Variants in HDGFL3 observed in about 807,000 individuals in gnomAD.
HDGFL3 encodes HDGF like 3.
HDGFL3 carries 6 observed loss-of-function variants against 27.6 expected under a neutral mutation model. The ratio of observed to expected loss-of-function variants is 0.22; its 90% CI spans 0.12 to 0.43. The LOEUF is 0.43. Among genes scored for constraint, HDGFL3 ranks in the 20% least tolerant of loss-of-function variants. HDGFL3 has a pLI of 1.00. For missense variants in HDGFL3, 207 were observed against 250.1 expected (o/e 0.83, Z 1.16); for synonymous variants, 88 against 88.9 (o/e 0.99, Z 0.05).
downstream of HDGFL3, among the ~76,000 whole-genome samples, chr15:83,124,044 A>T (rs910232924): frequency 7.2e-5 from 11 of 152,218 alleles, no homozygotes; most frequent in African/African-American, 2.7e-4. Flanking sequence ...AAAGTTGTTC[A>T]TCATTACATT....
Position 83,128,977 on chromosome 15 carries a change from T to A in HDGFL3, c.*10293A>T, listed in dbSNP as rs1191614907. The A allele has an allele frequency of 6.6e-6, 1 of 152,146 alleles. No homozygotes were observed. Among genetic ancestry groups the A allele is most frequent in the East Asian group, 1.9e-4 (1 of 5,196 alleles). The allele number at this position is 152,146 out of a possible 1,614,324, so 9.4% of individuals were successfully genotyped here. On this transcript the variant is annotated 3_prime_UTR_variant, in exon 6 of 6. Coordinates refer to ENST00000299633, the MANE Select transcript of HDGFL3 (RefSeq NM_016073.4). ...TCCAGAGTAGCTGGGACTACAGACATACACCACCGCACACAGCTAATTTTT... is the reference window on the plus strand; with the variant it reads ...TCCAGAGTAGCTGGGACTACAGACAAACACCACCGCACACAGCTAATTTTT...
chr15:83,112,882 C>T lies in HDGFL3; in HGVS notation c.*2827G>A, dbSNP rs371581703. 6.5e-5 allele frequency: 105 copies of T among 1,613,716 alleles called. No homozygotes were observed. Among genetic ancestry groups the T allele is most frequent in the Middle Eastern group, 1.6e-4 (1 of 6,084 alleles). On this transcript the variant is annotated 3_prime_UTR_variant, in exon 4 of 4. Coordinates refer to the HDGFL3 transcript ENST00000568294. ...TGTCCTCGTCAAAAGAAAACCACCCCGGGACCCACTGTTCTATGGTACGTC... is the reference window on the plus strand; with the variant it reads ...TGTCCTCGTCAAAAGAAAACCACCCTGGGACCCACTGTTCTATGGTACGTC...
At chr15:83,148,040 T>C (rs1348851978) in intron 5 of HDGFL3, among the ~76,000 whole-genome samples, 3 of 152,194 alleles carry the variant, frequency 2.0e-5, no homozygotes, top group African/African-American at 7.2e-5. Flanking sequence ...AACCTTATCA[T>C]TAATCAGAGA....
chr15:83,204,737 T>A lies in HDGFL3; in HGVS notation c.84+2594A>T, dbSNP rs547058931. Reference sequence around the variant, plus strand: ...ACCATCACTTGGTGCTTTTAGATACTCTGTATTTGTGAGGTGAGAATTATC... The same window carrying A: ...ACCATCACTTGGTGCTTTTAGATACACTGTATTTGTGAGGTGAGAATTATC... On this transcript the variant is annotated intron_variant, in intron 1 of 5. Transcript: ENST00000299633. Among the ~76,000 whole-genome samples, 240 of 152,322 alleles carry A rather than the reference T, an allele frequency of 1.6e-3. 1 individual carries two copies. The highest frequency in any genetic ancestry group is 5.5e-3 in the African/African-American group (229 of 41,568).
rs781338926 is a variant in HDGFL3, at chr15:83,134,062, C to A, written c.*5208G>T. On this transcript the variant is annotated 3_prime_UTR_variant, in exon 6 of 6. Transcript: ENST00000299633. ...ATAAAGAGGCCTACTAAAATACATA[C>A]AAAACTAGAGAAATGCTTTGTAGAC... 1.3e-5 allele frequency: 2 copies of A among 152,112 alleles called. No homozygotes were observed. Among genetic ancestry groups the A allele is most frequent in the Non-Finnish European group, 2.9e-5 (2 of 68,012 alleles). 9.4% of individuals were successfully genotyped at this position (152,112 alleles called of 1,614,324 possible).
At chr15:83,116,473 C>T (rs2034669384) in intron 3 of HDGFL3, among the ~76,000 whole-genome samples, 1 of 152,190 alleles carries the variant, frequency 6.6e-6, no homozygotes, top group Admixed American at 6.5e-5. Flanking sequence ...GGTTAAGTGA[C>T]TTATTCAAGG....
Position 83,129,736 on chromosome 15 carries a change from T to C in HDGFL3, c.*9534A>G. 6.6e-6 allele frequency: 1 copy of C among 152,444 alleles called. No homozygotes were observed. The highest frequency in any genetic ancestry group is 1.5e-5 in the Non-Finnish European group (1 of 68,158). 9.4% of individuals were successfully genotyped at this position (152,444 alleles called of 1,614,324 possible). A position where few individuals can be genotyped will look rare whatever the true frequency, so the allele number is the denominator to read the frequency against. On this transcript the variant is annotated 3_prime_UTR_variant, in exon 6 of 6. Transcript: ENST00000299633. Reference sequence around the variant, plus strand: ...GGAGAACCTTGTGGGTGGAAGGCAGTGACATTCCGAGTTGGACTCTGAGGG... The same window carrying C: ...GGAGAACCTTGTGGGTGGAAGGCAGCGACATTCCGAGTTGGACTCTGAGGG...
At chr15:83,157,231 A>G (rs922864562) in intron 4 of HDGFL3, 184 bp downstream of exon 4, 16 of 630,124 alleles carry the variant, frequency 2.5e-5, no homozygotes, top group Non-Finnish European at 4.1e-5. Flanking sequence ...TAAAGAGTCA[A>G]TAGTCAGATT....
chr15:83,200,291 C>T (rs1252015702), intron 1 of HDGFL3, among the ~76,000 whole-genome samples: 3 of 151,388 alleles, frequency 2.0e-5, no homozygotes, highest in Non-Finnish European at 2.9e-5. Context: ...GCGGAGATCC[C>T]GCCACTGCAC....
chr15:83,164,110 T>C (rs2037133984), intron 1 of HDGFL3, 35 bp from the exon 2 acceptor site: 1 of 1,271,558 alleles, frequency 7.9e-7, no homozygotes, highest in East Asian at 2.5e-5. Context: ...GAGTGAGTGG[T>C]TATCATAAAT....
At chr15:83,197,358 T>C (rs2037584137) in intron 1 of HDGFL3, among the ~76,000 whole-genome samples, 1 of 152,184 alleles carries the variant, frequency 6.6e-6, no homozygotes, top group South Asian at 2.1e-4. Context: ...ATGTAAGACA[T>C]AAAACTGTGC....
At chr15:83,121,524 C>A (rs2035243754) in intron 3 of HDGFL3, among the ~76,000 whole-genome samples, 1 of 152,190 alleles carries the variant, frequency 6.6e-6, no homozygotes, top group African/African-American at 2.4e-5. Flanking sequence ...TTAACATTAT[C>A]ATTGTAAGTA....
intron 1 of HDGFL3, among the ~76,000 whole-genome samples, chr15:83,194,815 G>C (rs1295359058): frequency 1.3e-5 from 2 of 152,116 alleles, no homozygotes; most frequent in Non-Finnish European, 2.9e-5. Context: ...GTTGGTAAAA[G>C]AGATTAATGC....
intron 1 of HDGFL3, among the ~76,000 whole-genome samples, chr15:83,200,239 G>A (rs568273863): frequency 2.4e-4 from 37 of 151,860 alleles, no homozygotes; most frequent in African/African-American, 7.7e-4. Context: ...CTAGCTACTC[G>A]GGAGGCTGAG....
intron 1 of HDGFL3, among the ~76,000 whole-genome samples, chr15:83,204,743 T>C (rs1257920774): frequency 6.6e-6 from 1 of 152,214 alleles, no homozygotes; most frequent in Non-Finnish European, 1.5e-5. Context: ...ATACTCTGTA[T>C]TTGTGAGGTG....
At chr15:83,150,319 TC>T (rs1477994073) in intron 5 of HDGFL3, among the ~76,000 whole-genome samples, 9 of 152,126 alleles carry the variant, frequency 5.9e-5, no homozygotes, top group Non-Finnish European at 5.9e-5. Flanking sequence ...CAGGTATATG[TC>T]CCTGGGAAGG....
In HDGFL3 at chr15:83,143,114, T is replaced by C. The variant is rs916643016; in HGVS notation, c.607-3839A>G. Among the ~76,000 whole-genome samples the C allele has an allele frequency of 2.7e-4, 41 of 151,992 alleles. 1 individual carries two copies. The highest frequency in any genetic ancestry group is 9.9e-4 in the African/African-American group (41 of 41,422). On this transcript the variant is annotated intron_variant, in intron 5 of 5. Coordinates refer to ENST00000299633, the MANE Select transcript of HDGFL3 (RefSeq NM_016073.4). ...CACTGCAATCTCCGCCTCCCAGGTT[T>C]AATCAATTCTGCCTCAGCTTCCTGA...
intron 1 of HDGFL3, among the ~76,000 whole-genome samples, chr15:83,193,243 C>T (rs1391168217): frequency 2.6e-5 from 4 of 152,054 alleles, no homozygotes; most frequent in Non-Finnish European, 5.9e-5. Flanking sequence ...CAACAACAAC[C>T]ACCATTTTTT....
At chr15:83,150,314 A>G (rs1361388334) in intron 5 of HDGFL3, among the ~76,000 whole-genome samples, 4 of 152,186 alleles carry the variant, frequency 2.6e-5, no homozygotes, top group Admixed American at 6.5e-5. Flanking sequence ...GTTAGCAGGT[A>G]TATGTCCCTG....
Sources: allele counts gnomAD v4.1 joint callset (sites outside exome capture counted in the v4.1 genomes callset), GRCh38; gene constraint gnomAD v4.1.1; transcripts MANE v1.5; gene names NCBI Gene and HGNC (gene_info 2026-07-23, HGNC 2026-07-21).